CDH3: variants seen among roughly 807,000 people sequenced by gnomAD.
CDH3 encodes cadherin 3.
In CDH3, 54 loss-of-function variants were observed where a neutral mutation model predicts 82.0. The ratio of observed to expected loss-of-function variants is 0.66; its 90% CI spans 0.53 to 0.83. The LOEUF (loss-of-function observed/expected upper bound fraction) is 0.83, where lower values mean the gene tolerates loss of function less well. CDH3 is among the 40% of genes least tolerant of loss of function. The pLI, the probability that CDH3 is intolerant of heterozygous loss-of-function variation, is 0.00. For missense variants in CDH3, 1,054 were observed against 1,084.6 expected (o/e 0.97, Z 0.40); for synonymous variants, 446 against 437.9 (o/e 1.02, Z -0.23).
downstream of CDH3, among the ~76,000 whole-genome samples, chr16:68,731,378 AAAAAAAAAAAAAAAAAAATATATATATAT>A (rs1357487079): frequency 1.3e-4 from 2 of 15,924 alleles, 1 homozygote; most frequent in African/African-American, 7.8e-4. Flanking sequence ...CAAAAAAAAA[AAAAAAAAAAAAAAAAAAATATATATATAT>A]ATATATACAT....
At chr16:68,724,377 G>A (rs947734299) in intron 2 of CDH3, among the ~76,000 whole-genome samples, 1 of 152,052 alleles carries the variant, frequency 6.6e-6, no homozygotes, top group African/African-American at 2.4e-5. Context: ...CCACCAGTTT[G>A]GGAGGCCAAG....
rs746605415 is a variant in CDH3, at chr16:68,645,436, C to T, written c.45+12C>T. 3 of 1,612,824 alleles carry T rather than the reference C, an allele frequency of 1.9e-6. No individual in the cohort carries two copies. The African/African-American group carries it at 4.0e-5, about 22-fold the overall frequency. ...TCCTCCTTCTCCAGGTACTCCACAG[C>T]CTCGCCGTGGCCCCGACCGGGACCG... On this transcript the variant is annotated intron_variant, in intron 1 of 15. Transcript: ENST00000264012.
At chr16:68,673,722 C>G (rs555437522) in intron 2 of CDH3, among the ~76,000 whole-genome samples, 1 of 152,022 alleles carries the variant, frequency 6.6e-6, no homozygotes, top group Non-Finnish European at 1.5e-5. Flanking sequence ...GCCAGGAGTT[C>G]GAGACCAGCC....
At chr16:68,681,120 C>A in intron 8 of CDH3, 24 bp downstream of exon 8, 1 of 1,613,362 alleles carries the variant, frequency 6.2e-7, no homozygotes, top group South Asian at 1.1e-5. Flanking sequence ...CTCACTCAGT[C>A]CCTCATCAGA....
rs367858076 is a variant in CDH3 at position 68,691,732 on chromosome 16, T to C, written c.1808T>C (p.Val603Ala). The C allele has an allele frequency of 3.2e-5, 52 of 1,613,768 alleles. No individual in the cohort carries two copies. The highest frequency in any genetic ancestry group is 4.3e-5 in the Non-Finnish European group (51 of 1,179,790). Residue 603 changes from valine (V) to alanine (A), a missense_variant, in exon 13 of 16, where the codon GTC (valine) becomes GCC (alanine). Physicochemically the swap from Val to Ala is moderately conservative, Grantham distance 64. Transcript: ENST00000264012. ...AEVNEEGDTV[V>A]LSLKKFLKQD... is the part of the protein sequence containing the mutation. ...CTGTTCACTCCAGGTGACACAGTGG[T>C]CTTGTCCCTGAAGAAGTTCCTGAAG...
At chr16:68,706,083 A>AG (rs1479199702) in intron 1 of CDH3, among the ~76,000 whole-genome samples, 1 of 148,348 alleles carries the variant, frequency 6.7e-6, no homozygotes, top group Non-Finnish European at 1.5e-5. Context: ...AAAAAAAAAA[A>AG]GAGCCCAGCA....
chr16:68,724,182 C>G (rs2152111577), intron 2 of CDH3, among the ~76,000 whole-genome samples: 1 of 152,188 alleles, frequency 6.6e-6, no homozygotes, highest in South Asian at 2.1e-4. Flanking sequence ...TTGCAGTGAG[C>G]CAAGACTGCG....
At chr16:68,682,018 G>A (rs975978594) in intron 8 of CDH3, among the ~76,000 whole-genome samples, 1 of 152,014 alleles carries the variant, frequency 6.6e-6, no homozygotes. Flanking sequence ...ATAGCTACAC[G>A]TGGCAGGGGC....
In CDH3 at chr16:68,662,835, C is replaced by T. The variant is rs569430197; in HGVS notation, c.161-13550C>T. 3.2e-3 allele frequency among the ~76,000 whole-genome samples: 469 copies of T among 145,394 alleles called. 2 individuals are homozygous for T. Among genetic ancestry groups the T allele is most frequent in the Non-Finnish European group, 6.2e-3 (414 of 66,424 alleles). On this transcript the variant is annotated intron_variant, in intron 2 of 15. Coordinates refer to ENST00000264012, the MANE Select transcript of CDH3 (RefSeq NM_001793.6). ...TGCTGGGATTACAGGTGTGAGCCAC[C>T]GTTCCCGGAGGCTGGTGGATTTTTT...
At chr16:68,705,193 T>G (rs539368157), downstream of CDH3, among the ~76,000 whole-genome samples, 1 of 152,314 alleles carries the variant, frequency 6.6e-6, no homozygotes, top group African/African-American at 2.4e-5. Flanking sequence ...AAACTCCAGT[T>G]GCAGATGGGG....
intron 8 of CDH3, among the ~76,000 whole-genome samples, chr16:68,681,599 G>A (rs1464282430): frequency 6.6e-6 from 1 of 152,218 alleles, no homozygotes; most frequent in African/African-American, 2.4e-5. Context: ...ACTTTGGGAG[G>A]CCAAGGCGGG....
At position 68,712,033 on chromosome 16, in the gene CDH3, T is replaced by TTTTC. The variant is rs1438542626; in HGVS notation, c.100-10388_100-10385dup. Among the ~76,000 whole-genome samples the TTTTC allele has an allele frequency of 3.7e-5, 3 of 81,702 alleles. No homozygotes were observed. The East Asian group carries it at 1.2e-3, about 32-fold the overall frequency. The allele number at this position is 81,702 out of a possible 152,430, so 53.6% of individuals were successfully genotyped here. On this transcript the variant is annotated intron_variant, in intron 1 of 2. Transcript: ENST00000569080. ...TTTGTTTGTTTCTTGGGTTTTTTTG[T>TTTTC]TTTCTTTTTTTTTTTTTTTTTTGAG...
intron 13 of CDH3, 120 bp downstream of exon 13, chr16:68,692,046 ATT>A: frequency 1.4e-6 from 1 of 728,004 alleles, no homozygotes; most frequent in Non-Finnish European, 2.2e-6. Context: ...CTCCTTAAAC[ATT>A]TTTTTTAAGA....
downstream of CDH3, among the ~76,000 whole-genome samples, chr16:68,731,391 A>ATATATATATATAT (rs1182933300): frequency 2.7e-4 from 2 of 7,342 alleles, no homozygotes; most frequent in Admixed American, 1.3e-3. Flanking sequence ...AAAAAAAAAA[A>ATATATATATATAT]AAAAATATAT....
chr16:68,732,189 G>A (rs1404372155), downstream of CDH3, among the ~76,000 whole-genome samples: 1 of 152,046 alleles, frequency 6.6e-6, no homozygotes, highest in Non-Finnish European at 1.5e-5. Context: ...GCCTCTAGGA[G>A]CAGCAGGAAG....
At chr16:68,675,074 C>T (rs1400345393) in intron 2 of CDH3, among the ~76,000 whole-genome samples, 1 of 151,904 alleles carries the variant, frequency 6.6e-6, no homozygotes, top group Non-Finnish European at 1.5e-5. Flanking sequence ...GATCATGCCA[C>T]TGCACTCCAG....
intron 12 of CDH3, 90 bp downstream of exon 12, chr16:68,687,826 T>A: frequency 1.1e-6 from 1 of 884,914 alleles, no homozygotes; most frequent in Non-Finnish European, 1.9e-6. Flanking sequence ...GTTCCTATCC[T>A]AGCATCTTGT....
chr16:68,691,974 G>C (rs1186116100), intron 13 of CDH3, 48 bp downstream of exon 13: 2 of 1,481,250 alleles, frequency 1.4e-6, no homozygotes, highest in South Asian at 2.3e-5. Context: ...GGAGTTGAAA[G>C]ACTGGATTCT....
Position 68,698,688 on chromosome 16 carries a change from T to TGTGTCC in CDH3, c.*289_*294dup. The TGTGTCC allele has an allele frequency of 2.1e-6, 1 of 478,836 alleles. No individual in the cohort carries two copies. Among genetic ancestry groups the TGTGTCC allele is most frequent in the South Asian group, 2.4e-5 (1 of 42,268 alleles). 29.7% of individuals were successfully genotyped at this position (478,836 alleles called of 1,614,324 possible). A position where few individuals can be genotyped will look rare whatever the true frequency, so the allele number is the denominator to read the frequency against. ...TTACCTGCCGTAAAATGCTCAACCC[T>TGTGTCC]GTGTCCTGGGCCTGGGCCTGCTGTG... On this transcript the variant is annotated 3_prime_UTR_variant, in exon 16 of 16. Transcript: ENST00000264012.
Sources: gnomAD v4.1 joint callset for allele counts (sites outside exome capture counted in the v4.1 genomes callset) on GRCh38, gnomAD v4.1.1 for gene constraint, MANE v1.5 for transcripts, NCBI Gene and HGNC (gene_info 2026-07-23, HGNC 2026-07-21) for gene names.